FUT8: variants seen among roughly 807,000 people sequenced by gnomAD.
The protein encoded by FUT8 is alpha-(1,6)-fucosyltransferase.
FUT8 carries 29 observed loss-of-function variants against 71.3 expected under a neutral mutation model. That is an observed-to-expected ratio of 0.41 (90% CI 0.30 to 0.55). FUT8 has a LOEUF of 0.55. FUT8 is among the 20% of genes least tolerant of loss of function. FUT8 has a pLI of 0.34. For missense variants in FUT8, 544 were observed against 702.1 expected (o/e 0.77, Z 2.55); for synonymous variants, 254 against 239.3 (o/e 1.06, Z -0.57).
chr14:65,523,126 C>G (rs1186756490), intron 2 of FUT8, among the ~76,000 whole-genome samples: 1 of 152,158 alleles, frequency 6.6e-6, no homozygotes, highest in Non-Finnish European at 1.5e-5. Flanking sequence ...ATTTCTAGTT[C>G]TAGATCCTTG....
At chr14:65,623,183 G>C (rs989143044) in intron 5 of FUT8, among the ~76,000 whole-genome samples, 2 of 152,060 alleles carry the variant, frequency 1.3e-5, no homozygotes, top group African/African-American at 2.4e-5. Flanking sequence ...GAGCCACCAC[G>C]CCCGACCAAA....
chr14:65,412,539 G>A (rs1361959724), upstream of FUT8: 2 of 356,520 alleles, frequency 5.6e-6, no homozygotes, highest in Non-Finnish European at 1.1e-5. Flanking sequence ...CTGCCCTGCT[G>A]GAACTGTGCC....
At chr14:65,555,038 G>T (rs1481834493) in intron 2 of FUT8, among the ~76,000 whole-genome samples, 1 of 152,018 alleles carries the variant, frequency 6.6e-6, no homozygotes, top group Non-Finnish European at 1.5e-5. Flanking sequence ...AGTAGACTTT[G>T]GTTTATGAGC....
rs375533973 is a variant in FUT8, at chr14:65,693,538, G to C, written c.835+24058G>C. On this transcript the variant is annotated intron_variant, in intron 7 of 10. Transcript: ENST00000673929. ...GGGAGAGGGAGACCGTGGGGAGAGGGAGAGAGGGAGGGGGAGAGGGAGAAT... is the reference window on the plus strand; with the variant it reads ...GGGAGAGGGAGACCGTGGGGAGAGGCAGAGAGGGAGGGGGAGAGGGAGAAT... Among the ~76,000 whole-genome samples the C allele has an allele frequency of 2.6e-4, 40 of 152,262 alleles. No individual in the cohort carries two copies. The East Asian group carries it at 7.7e-3, about 29-fold the overall frequency.
At chr14:65,430,535 A>G (rs938623884) in intron 1 of FUT8, among the ~76,000 whole-genome samples, 6 of 152,172 alleles carry the variant, frequency 3.9e-5, no homozygotes, top group African/African-American at 1.4e-4. Context: ...TTTAGTCATA[A>G]TAGTAAATGA....
intron 2 of FUT8, among the ~76,000 whole-genome samples, chr14:65,517,167 C>A (rs542821639): frequency 3.2e-4 from 49 of 152,028 alleles, no homozygotes; most frequent in Non-Finnish European, 5.9e-4. Flanking sequence ...AATAATTCTG[C>A]CATGAACTTT....
At chr14:65,587,780 C>T (rs775554015) in intron 3 of FUT8, among the ~76,000 whole-genome samples, 1 of 152,098 alleles carries the variant, frequency 6.6e-6, no homozygotes, top group Non-Finnish European at 1.5e-5. Context: ...CAAATGCATC[C>T]ATGTATTAGT....
At chr14:65,687,828 G>A (rs1893372679) in intron 7 of FUT8, among the ~76,000 whole-genome samples, 2 of 123,696 alleles carry the variant, frequency 1.6e-5, no homozygotes, top group South Asian at 6.3e-4. Context: ...TGAACTCTTG[G>A]GCTCAAGCAG....
chr14:65,693,235 G>A (rs1251169161), intron 7 of FUT8, among the ~76,000 whole-genome samples: 2 of 152,228 alleles, frequency 1.3e-5, no homozygotes, highest in African/African-American at 2.4e-5. Context: ...CTGAGTGAAC[G>A]AGACTCCGTC....
intron 3 of FUT8, among the ~76,000 whole-genome samples, chr14:65,596,923 T>C (rs1196727384): frequency 6.6e-6 from 1 of 152,226 alleles, no homozygotes; most frequent in East Asian, 1.9e-4. Flanking sequence ...GAAGCTGTTA[T>C]CATATTCCTT....
At chr14:65,555,888 ATAATTG>A (rs1885562096) in intron 2 of FUT8, among the ~76,000 whole-genome samples, 1 of 152,216 alleles carries the variant, frequency 6.6e-6, no homozygotes, top group Non-Finnish European at 1.5e-5. Flanking sequence ...TATAAAACCA[ATAATTG>A]TAATTGTATC....
chr14:65,668,683 T>A (rs1442459035), intron 6 of FUT8, among the ~76,000 whole-genome samples: 1 of 152,178 alleles, frequency 6.6e-6, no homozygotes, highest in Non-Finnish European at 1.5e-5. Flanking sequence ...TTTGGGTATA[T>A]AACCAAAGGA....
At chr14:65,681,222 T>G (rs1304304530) in intron 7 of FUT8, among the ~76,000 whole-genome samples, 2 of 152,232 alleles carry the variant, frequency 1.3e-5, no homozygotes, top group East Asian at 3.8e-4. Flanking sequence ...ACTCAGTTTT[T>G]TTAAATTAAA....
At chr14:65,567,090 G>C (rs1454714405) in intron 3 of FUT8, among the ~76,000 whole-genome samples, 1 of 151,864 alleles carries the variant, frequency 6.6e-6, no homozygotes, top group East Asian at 1.9e-4. Context: ...CCTAATCCTT[G>C]TTATTCTAGG....
chr14:65,436,496 G>A (rs994260075), intron 1 of FUT8, among the ~76,000 whole-genome samples: 1 of 151,902 alleles, frequency 6.6e-6, no homozygotes, highest in Non-Finnish European at 1.5e-5. Flanking sequence ...CAGGTGTGGT[G>A]GTGGGCGCCT....
intron 3 of FUT8, among the ~76,000 whole-genome samples, chr14:65,602,080 G>A (rs1888316965): frequency 6.6e-6 from 1 of 151,500 alleles, no homozygotes; most frequent in Non-Finnish European, 1.5e-5. Flanking sequence ...CTCATCACCC[G>A]AGCAGTATAC....
At chr14:65,604,093 C>T (rs903064162) in intron 3 of FUT8, among the ~76,000 whole-genome samples, 11 of 151,646 alleles carry the variant, frequency 7.3e-5, no homozygotes, top group African/African-American at 2.4e-4. Flanking sequence ...CACTAGCGCT[C>T]CCAAATTTAT....
chr14:65,452,427 G>A (rs1216773477), intron 1 of FUT8, among the ~76,000 whole-genome samples: 1 of 152,204 alleles, frequency 6.6e-6, no homozygotes, highest in East Asian at 1.9e-4. Context: ...GCGAGATCAT[G>A]CGGTTGCTCT....
chr14:65,448,263 G>T (rs910273532), intron 1 of FUT8, among the ~76,000 whole-genome samples: 1 of 152,154 alleles, frequency 6.6e-6, no homozygotes, highest in Admixed American at 6.5e-5. Context: ...CAGGCAGGGG[G>T]TGATGAAAGC....
Sources: gnomAD v4.1 joint callset for allele counts (sites outside exome capture counted in the v4.1 genomes callset) on GRCh38, gnomAD v4.1.1 for gene constraint, MANE v1.5 for transcripts, NCBI Gene and HGNC (gene_info 2026-07-23, HGNC 2026-07-21) for gene names.